SAMD12: variants seen among roughly 807,000 people sequenced by gnomAD.
The protein encoded by SAMD12 is sterile alpha motif domain-containing protein 12.
SAMD12 carries 9 observed loss-of-function variants against 15.0 expected under a neutral mutation model. That is an observed-to-expected ratio of 0.60 (90% CI 0.36 to 1.05). The LOEUF is 1.05. Ranked by LOEUF, SAMD12 falls within the 50% of genes least tolerant of loss-of-function variation. The pLI, the probability that SAMD12 is intolerant of heterozygous loss-of-function variation, is 0.01. For synonymous variants in SAMD12, 86 were observed against 90.1 expected (o/e 0.96, Z 0.25); for missense variants, 230 against 234.2 (o/e 0.98, Z 0.12).
intron 4 of SAMD12, among the ~76,000 whole-genome samples, chr8:118,334,943 T>A (rs7008611): frequency 0.25 from 37,575 of 152,002 alleles, 5,069 homozygotes; most frequent in African/African-American, 0.34. Context: ...CTTCATATAT[T>A]TGAAAATTAT....
chr8:118,566,272 G>A (rs1826844598), intron 2 of SAMD12, among the ~76,000 whole-genome samples: 1 of 152,146 alleles, frequency 6.6e-6, no homozygotes, highest in South Asian at 2.1e-4. Flanking sequence ...CCGCACAGCT[G>A]CTCCTTTTTA....
intron 1 of SAMD12, among the ~76,000 whole-genome samples, chr8:118,587,666 T>G (rs530993850): frequency 1.3e-5 from 2 of 152,228 alleles, no homozygotes; most frequent in Admixed American, 1.3e-4. Context: ...CTACAGTACA[T>G]GCTGTGACCA....
chr8:118,163,874 CAAACAAAACAAAACA>C, the SAMD12 span, among the ~76,000 whole-genome samples: 439 of 149,272 alleles, frequency 2.9e-3, 1 homozygote, highest in African/African-American at 8.2e-3. Flanking sequence ...GACTCCGTCT[CAAACAAAACAAAACA>C]AAACAAAACA....
chr8:118,566,277 T>A (rs1826844765), intron 2 of SAMD12, among the ~76,000 whole-genome samples: 1 of 152,222 alleles, frequency 6.6e-6, no homozygotes, highest in African/African-American at 2.4e-5. Context: ...CAGCTGCTCC[T>A]TTTTAACATT....
At chr8:118,264,793 G>A (rs1813160587) in intron 4 of SAMD12, among the ~76,000 whole-genome samples, 1 of 152,140 alleles carries the variant, frequency 6.6e-6, no homozygotes, top group Admixed American at 6.6e-5. Context: ...AGCATAGCAA[G>A]TGGAGAACCT....
intron 4 of SAMD12, among the ~76,000 whole-genome samples, chr8:118,226,325 G>A (rs759926717): frequency 2.0e-5 from 3 of 152,126 alleles, no homozygotes; most frequent in African/African-American, 2.4e-5. Context: ...TTTCTGTGGC[G>A]TACTGAAGCC....
At chr8:118,561,796 G>A (rs184090273) in intron 2 of SAMD12, among the ~76,000 whole-genome samples, 16 of 152,118 alleles carry the variant, frequency 1.1e-4, no homozygotes, top group East Asian at 1.9e-4. Context: ...TAAAACTACC[G>A]TCGTCAATAA....
chr8:118,505,467 G>A (rs532869073), intron 2 of SAMD12, among the ~76,000 whole-genome samples: 1 of 151,716 alleles, frequency 6.6e-6, no homozygotes, highest in African/African-American at 2.4e-5. Context: ...TGGCTTCTAT[G>A]AAAACCGTTT....
chr8:118,218,828 A>C (rs899007460), intron 4 of SAMD12, among the ~76,000 whole-genome samples: 6 of 152,096 alleles, frequency 3.9e-5, no homozygotes, highest in African/African-American at 1.4e-4. Flanking sequence ...AATAGTGTTC[A>C]TCTAGTTGAC....
In SAMD12 at chr8:118,379,437, C is replaced by T. The variant is rs1371623130; in HGVS notation, c.586G>A (p.Glu196Lys). ...TAATCTTAAATCTGTATACTATTTT[C>T]TATGATGGAAATTCTGTGAAGAAAC... ...LLFLHRISIIENSIQI is the reference protein window; with the variant it reads ...LLFLHRISIIKNSIQI Residue 196 changes from glutamate to lysine, a missense_variant, in exon 4 of 4, where the codon GAA (glutamate) becomes AAA (lysine). Coordinates refer to ENST00000314727, the MANE Select transcript of SAMD12 (RefSeq NM_207506.3). The T allele has an allele frequency of 6.2e-7, 1 of 1,613,534 alleles. No individual in the cohort carries two copies.
rs560533508 is a variant in SAMD12 at position 118,219,297 on chromosome 8, G to A, written c.434-21565C>T. Among the ~76,000 whole-genome samples the A allele has an allele frequency of 7.9e-5, 12 of 152,324 alleles. No individual in the cohort carries two copies. In the South Asian group the frequency reaches 2.3e-3, roughly 29 times the overall value. On this transcript the variant is annotated intron_variant, in intron 4 of 4. Transcript: ENST00000409003. ...CTAGAGGAGAGAGACTATGCCCTGT[G>A]TGTTTTCCTGGTTTATCTCAGTAGA... is the stretch of plus-strand genomic sequence containing the variant.
intron 2 of SAMD12, among the ~76,000 whole-genome samples, chr8:118,521,428 A>G (rs571347706): frequency 6.6e-6 from 1 of 152,304 alleles, no homozygotes; most frequent in East Asian, 1.9e-4. Context: ...GGCCTGAAGG[A>G]GGGTACATTT....
downstream of SAMD12, among the ~76,000 whole-genome samples, chr8:118,373,523 G>A (rs1819215617): frequency 6.6e-6 from 1 of 152,090 alleles, no homozygotes; most frequent in Non-Finnish European, 1.5e-5. Flanking sequence ...TCTAATTTTT[G>A]TTGTTCCAAA....
chr8:118,501,372 G>T (rs1158666645), intron 2 of SAMD12, among the ~76,000 whole-genome samples: 3 of 152,042 alleles, frequency 2.0e-5, no homozygotes, highest in Non-Finnish European at 2.9e-5. Flanking sequence ...ATGTTAATTA[G>T]CTTGATTTAG....
At chr8:118,175,563 G>T in the SAMD12 span, among the ~76,000 whole-genome samples, 1 of 152,048 alleles carries the variant, frequency 6.6e-6, no homozygotes, top group African/African-American at 2.4e-5. Flanking sequence ...GAGAACTTAC[G>T]GAATGGGAGA....
intron 2 of SAMD12, among the ~76,000 whole-genome samples, chr8:118,486,635 C>A (rs1824294487): frequency 6.6e-6 from 1 of 152,108 alleles, no homozygotes; most frequent in African/African-American, 2.4e-5. Flanking sequence ...CCCAAGGAGA[C>A]CCATGTTGGA....
the SAMD12 span, among the ~76,000 whole-genome samples, chr8:118,142,575 C>T: frequency 1.1e-4 from 17 of 152,184 alleles, no homozygotes; most frequent in Non-Finnish European, 1.8e-4. Flanking sequence ...CTCAGATCAA[C>T]GGGCTAACTT....
At chr8:118,344,134 G>A (rs926319611) in intron 4 of SAMD12, among the ~76,000 whole-genome samples, 4 of 152,188 alleles carry the variant, frequency 2.6e-5, no homozygotes, top group African/African-American at 9.7e-5. Context: ...CTTGTGCAGA[G>A]GAAGCCCTGT....
chr8:118,411,020 A>G (rs7821632), intron 3 of SAMD12, among the ~76,000 whole-genome samples: 52,980 of 152,046 alleles, frequency 0.35, 9,936 homozygotes, highest in African/African-American at 0.42. Flanking sequence ...AAGTAAGAAA[A>G]GTATTATTGG....
Sources: allele counts gnomAD v4.1 joint callset (sites outside exome capture counted in the v4.1 genomes callset), GRCh38; gene constraint gnomAD v4.1.1; transcripts MANE v1.5; gene names NCBI Gene and HGNC (gene_info 2026-07-23, HGNC 2026-07-21).